Variants in AUTS2 observed in about 807,000 individuals in gnomAD.
The protein encoded by AUTS2 is autism susceptibility gene 2 protein.
Under a neutral mutation model 112.4 loss-of-function variants are expected in AUTS2, and 17 were observed. The ratio of observed to expected loss-of-function variants is 0.15; its 90% CI spans 0.10 to 0.23. The LOEUF is 0.23. AUTS2 is among the 10% of genes least tolerant of loss of function. The probability of loss-of-function intolerance (pLI) is 1.00; values close to 1 mark genes in which losing one functional copy is unlikely to be tolerated. For synonymous variants in AUTS2, 751 were observed against 702.7 expected (o/e 1.07, Z -1.09); for missense variants, 1,510 against 1,701.6 (o/e 0.89, Z 1.98).
intron 6 of AUTS2, among the ~76,000 whole-genome samples, chr7:70,701,028 C>G (rs997256542): frequency 6.6e-6 from 1 of 152,338 alleles, no homozygotes; most frequent in East Asian, 1.9e-4. Context: ...GACAATCTAA[C>G]CAGAGTGCAG....
At chr7:69,727,334 G>A (rs1786564856) in intron 1 of AUTS2, among the ~76,000 whole-genome samples, 1 of 152,150 alleles carries the variant, frequency 6.6e-6, no homozygotes, top group South Asian at 2.1e-4. Flanking sequence ...GCTCACACCT[G>A]TAATCCCAGC....
At chr7:70,314,410 T>C (rs1454618613) in intron 4 of AUTS2, among the ~76,000 whole-genome samples, 2 of 152,230 alleles carry the variant, frequency 1.3e-5, no homozygotes, top group Non-Finnish European at 2.9e-5. Context: ...TCTTCGTCTG[T>C]GACATGTGTG....
chr7:69,954,125 A>G (rs1797129260), intron 2 of AUTS2, among the ~76,000 whole-genome samples: 1 of 152,146 alleles, frequency 6.6e-6, no homozygotes, highest in African/African-American at 2.4e-5. Context: ...ATAAGTATAC[A>G]TTGTGAATAT....
At chr7:70,068,980 A>G (rs1802628715) in intron 2 of AUTS2, among the ~76,000 whole-genome samples, 1 of 152,212 alleles carries the variant, frequency 6.6e-6, no homozygotes, top group African/African-American at 2.4e-5. Context: ...AAGACATTTG[A>G]CTGTCACTTG....
intron 2 of AUTS2, among the ~76,000 whole-genome samples, chr7:70,037,239 G>C (rs1176526867): frequency 6.6e-6 from 1 of 152,200 alleles, no homozygotes; most frequent in African/African-American, 2.4e-5. Flanking sequence ...ATTGGGTTTG[G>C]AGGAAGGAAA....
rs1055517044 is a variant in AUTS2, at chr7:70,245,034, C to T, written c.660+110463C>T. 7.3e-5 allele frequency among the ~76,000 whole-genome samples: 11 copies of T among 149,944 alleles called. No homozygotes were observed. The East Asian group carries it at 2.2e-3, about 30-fold the overall frequency. ...ACTTGGGAGGCTGAGGCAGGAGAATCACTTGAACCCAGGAGATGAAGGTTG... is the reference window on the plus strand; with the variant it reads ...ACTTGGGAGGCTGAGGCAGGAGAATTACTTGAACCCAGGAGATGAAGGTTG... On this transcript the variant is annotated intron_variant, in intron 4 of 18. Transcript: ENST00000342771.
intron 4 of AUTS2, among the ~76,000 whole-genome samples, chr7:70,319,594 T>C (rs2129617630): frequency 6.6e-6 from 1 of 152,300 alleles, no homozygotes; most frequent in East Asian, 1.9e-4. Flanking sequence ...GTGTGTTTAG[T>C]GTTGTGGGGG....
intron 4 of AUTS2, among the ~76,000 whole-genome samples, chr7:70,245,393 T>A (rs1311618528): frequency 6.6e-6 from 1 of 152,054 alleles, no homozygotes; most frequent in Non-Finnish European, 1.5e-5. Context: ...CCAGTCTAAT[T>A]GTTTCACAGT....
intron 2 of AUTS2, among the ~76,000 whole-genome samples, chr7:70,026,020 C>A (rs1800505873): frequency 6.6e-6 from 1 of 152,148 alleles, no homozygotes; most frequent in African/African-American, 2.4e-5. Context: ...GCCTATTTTT[C>A]TCACTGATGG....
At chr7:70,313,341 T>G (rs989258740) in intron 4 of AUTS2, among the ~76,000 whole-genome samples, 3 of 152,186 alleles carry the variant, frequency 2.0e-5, no homozygotes, top group African/African-American at 7.2e-5. Context: ...TTGGTATCAT[T>G]TTATTAGACA....
chr7:70,312,248 G>C (rs1412567537), intron 4 of AUTS2, among the ~76,000 whole-genome samples: 1 of 152,050 alleles, frequency 6.6e-6, no homozygotes, highest in African/African-American at 2.4e-5. Context: ...ATCTTACCAT[G>C]GGGTATCTGA....
intron 5 of AUTS2, among the ~76,000 whole-genome samples, chr7:70,613,791 T>A (rs1272312953): frequency 2.0e-5 from 3 of 152,188 alleles, no homozygotes; most frequent in Admixed American, 6.5e-5. Context: ...GATCCCTGGC[T>A]CCTTGGAGTC....
chr7:69,615,405 C>T (rs955557989), intron 1 of AUTS2, among the ~76,000 whole-genome samples: 17 of 152,072 alleles, frequency 1.1e-4, no homozygotes, highest in East Asian at 9.6e-4. Context: ...TGGGTTTAAG[C>T]GATTCTCCTG....
chr7:70,307,902 G>A (rs961430477), intron 4 of AUTS2, among the ~76,000 whole-genome samples: 4 of 152,138 alleles, frequency 2.6e-5, no homozygotes, highest in African/African-American at 4.8e-5. Context: ...AACCACATCC[G>A]AAAGAGTCAC....
chr7:70,454,033 C>G (rs140717018), intron 5 of AUTS2, among the ~76,000 whole-genome samples: 4 of 152,074 alleles, frequency 2.6e-5, no homozygotes, highest in African/African-American at 9.7e-5. Flanking sequence ...TTTCCATGAC[C>G]CATCATGATT....
intron 2 of AUTS2, among the ~76,000 whole-genome samples, chr7:69,982,912 T>G (rs1798355443): frequency 6.6e-6 from 1 of 152,232 alleles, no homozygotes; most frequent in African/African-American, 2.4e-5. Flanking sequence ...GATTTTATAG[T>G]GGCAAGGACA....
At chr7:69,769,212 A>G (rs900866995) in intron 1 of AUTS2, among the ~76,000 whole-genome samples, 2 of 152,242 alleles carry the variant, frequency 1.3e-5, no homozygotes, top group Non-Finnish European at 2.9e-5. Flanking sequence ...ATAATCTATT[A>G]AATATGTCAG....
At chr7:70,727,459 C>T (rs559821556) in intron 6 of AUTS2, among the ~76,000 whole-genome samples, 2 of 152,270 alleles carry the variant, frequency 1.3e-5, no homozygotes, top group East Asian at 3.9e-4. Context: ...AAGTGATTCT[C>T]CTGCCACAGC....
intron 1 of AUTS2, among the ~76,000 whole-genome samples, chr7:69,759,765 TCCCCG>T (rs1562864127): frequency 4.1e-3 from 2 of 488 alleles, no homozygotes; most frequent in South Asian, 0.042. Context: ...TCCCCTCTCA[TCCCCG>T]CCCCCCCCCC....
Sources: allele counts gnomAD v4.1 joint callset (sites outside exome capture counted in the v4.1 genomes callset), GRCh38; gene constraint gnomAD v4.1.1; transcripts MANE v1.5; gene names NCBI Gene and HGNC (gene_info 2026-07-23, HGNC 2026-07-21).